ANK2: variants seen among roughly 807,000 people sequenced by gnomAD.
The protein encoded by ANK2 is ankyrin 2.
In ANK2, 83 loss-of-function variants were observed where a neutral mutation model predicts 360.5. The observed-to-expected ratio is 0.23, with a 90% CI of 0.19 to 0.28. The LOEUF (loss-of-function observed/expected upper bound fraction) is 0.28. Ranked by LOEUF, ANK2 falls within the 10% of genes least tolerant of loss-of-function variation. The probability of loss-of-function intolerance (pLI) is 1.00; values close to 1 mark genes in which losing one functional copy is unlikely to be tolerated. For missense variants in ANK2, 4,201 were observed against 4,795.7 expected (o/e 0.88, Z 3.66); for synonymous variants, 1,740 against 1,759.5 (o/e 0.99, Z 0.28).
At chr4:112,828,849 C>A (rs1466049498) in intron 1 of ANK2, among the ~76,000 whole-genome samples, 1 of 152,132 alleles carries the variant, frequency 6.6e-6, no homozygotes, top group Non-Finnish European at 1.5e-5. Context: ...AACAAACAAC[C>A]CTATTTAAAA....
Position 112,830,470 on chromosome 4 carries a change from A to G in ANK2, c.-40+12206A>G, listed in dbSNP as rs1355274649. ...ATGGAGTACAAATACACATGGACAT[A>G]AAGAAGGGAACATTAGACACTGGGG... On this transcript the variant is annotated intron_variant, in intron 1 of 30. Transcript: ENST00000503271. Among the ~76,000 whole-genome samples, 5 of 152,238 alleles carry G rather than the reference A, an allele frequency of 3.3e-5. No homozygotes were observed. The East Asian group carries it at 9.6e-4, about 29-fold the overall frequency.
chr4:113,358,240 G>A lies in ANK2; in HGVS notation c.9622G>A (p.Ala3208Thr). 1 of 1,614,092 alleles carries A rather than the reference G, an allele frequency of 6.2e-7. No individual in the cohort carries two copies. The highest frequency in any genetic ancestry group is 8.5e-7 in the Non-Finnish European group (1 of 1,179,968). The change falls in exon 38 of 46, where the codon GCC (alanine) becomes ACC (threonine). Residue 3208 changes from alanine (A) to threonine (T), a missense_variant. Ala to Thr is a moderately conservative substitution (Grantham distance 58). Transcript: ENST00000357077. ...AQLNSQMGIS[A>T]STETPTKEAV... Reference sequence around the variant, plus strand: ...ACTTAACTCCCAAATGGGGATTTCAGCCTCCACTGAAACACCTACAAAAGA... The same window carrying A: ...ACTTAACTCCCAAATGGGGATTTCAACCTCCACTGAAACACCTACAAAAGA...
upstream of ANK2, among the ~76,000 whole-genome samples, chr4:113,044,840 G>A (rs1251085539): frequency 2.6e-5 from 4 of 152,044 alleles, no homozygotes; most frequent in Non-Finnish European, 5.9e-5. Flanking sequence ...CTTAACTGGG[G>A]CTTGAACATA....
chr4:112,792,829 G>T, the ANK2 span, among the ~76,000 whole-genome samples: 1 of 152,054 alleles, frequency 6.6e-6, no homozygotes, highest in Non-Finnish European at 1.5e-5. Flanking sequence ...GAAAAATTTT[G>T]CCCTATTATA....
chr4:112,724,736 A>G, the ANK2 span, among the ~76,000 whole-genome samples: 1 of 152,210 alleles, frequency 6.6e-6, no homozygotes, highest in African/African-American at 2.4e-5. Flanking sequence ...CACTGTGGAA[A>G]ACATTATGAA....
the ANK2 span, among the ~76,000 whole-genome samples, chr4:112,729,680 G>A: frequency 1.3e-5 from 2 of 151,150 alleles, no homozygotes; most frequent in Non-Finnish European, 2.9e-5. Context: ...CCCGGGAGGC[G>A]GAGGTTGCAG....
the ANK2 span, chr4:112,788,192 T>A: frequency 6.3e-7 from 1 of 1,588,946 alleles, no homozygotes; most frequent in South Asian, 1.1e-5. Context: ...GCAGATCTCA[T>A]CGTATCTGTC....
At chr4:112,752,873 C>T in the ANK2 span, among the ~76,000 whole-genome samples, 1 of 152,100 alleles carries the variant, frequency 6.6e-6, no homozygotes, top group Non-Finnish European at 1.5e-5. Flanking sequence ...ATCATGCTGC[C>T]CAGGCTGGTC....
intron 1 of ANK2, among the ~76,000 whole-genome samples, chr4:112,878,618 G>A (rs2075841220): frequency 6.6e-6 from 1 of 152,240 alleles, no homozygotes; most frequent in East Asian, 1.9e-4. Flanking sequence ...GAGCCACTGT[G>A]CCCAGCCCTG....
chr4:112,743,532 GTCTC>G, the ANK2 span, among the ~76,000 whole-genome samples: 2 of 124,446 alleles, frequency 1.6e-5, no homozygotes, highest in African/African-American at 3.0e-5. Context: ...CTTTCTTTCT[GTCTC>G]TCTCTCTCTT....
chr4:113,146,133 C>T lies in ANK2; in HGVS notation c.85-28283C>T, dbSNP rs974392416. 17 of 1,002,018 alleles carry T rather than the reference C, an allele frequency of 1.7e-5. 1 individual carries two copies. Among genetic ancestry groups the T allele is most frequent in the South Asian group, 1.7e-4 (10 of 59,922 alleles). The allele number at this position is 1,002,018 out of a possible 1,614,324, so 62.1% of individuals were successfully genotyped here. On this transcript the variant is annotated intron_variant, in intron 1 of 45. Transcript: ENST00000357077. ...GAATAAAGCCAATGTGATCAAACCACCTGACTACCTCTGATCAAGTGGCAT... is the reference window on the plus strand; with the variant it reads ...GAATAAAGCCAATGTGATCAAACCATCTGACTACCTCTGATCAAGTGGCAT...
chr4:112,746,468 A>G, the ANK2 span, among the ~76,000 whole-genome samples: 2 of 149,962 alleles, frequency 1.3e-5, no homozygotes, highest in African/African-American at 2.5e-5. Context: ...AGATTGCACT[A>G]CTGCACTCCA....
chr4:113,293,927 T>A (rs561864413), intron 22 of ANK2, among the ~76,000 whole-genome samples: 4 of 152,212 alleles, frequency 2.6e-5, no homozygotes, highest in Non-Finnish European at 5.9e-5. Context: ...GGCCAGCCTC[T>A]GGAAAGACCC....
intron 1 of ANK2, among the ~76,000 whole-genome samples, chr4:112,884,214 G>C (rs1401821408): frequency 6.6e-6 from 1 of 152,114 alleles, no homozygotes; most frequent in African/African-American, 2.4e-5. Context: ...AAACAAACTG[G>C]CCTACATTGA....
intron 1 of ANK2, among the ~76,000 whole-genome samples, chr4:112,860,228 CT>C (rs895855941): frequency 7.9e-5 from 12 of 151,510 alleles, no homozygotes; most frequent in Middle Eastern, 3.4e-3. Flanking sequence ...AAAAAAAATT[CT>C]TTTTTTTTCT....
chr4:112,711,244 G>C, the ANK2 span, among the ~76,000 whole-genome samples: 2 of 151,552 alleles, frequency 1.3e-5, no homozygotes, highest in Non-Finnish European at 2.9e-5. Flanking sequence ...GCTATGGGCA[G>C]TGCAGTGGGG....
intron 2 of ANK2, among the ~76,000 whole-genome samples, chr4:112,987,107 C>G (rs1159782758): frequency 6.6e-6 from 1 of 152,190 alleles, no homozygotes; most frequent in Non-Finnish European, 1.5e-5. Flanking sequence ...TCAAAGCCAT[C>G]CTGGGCTGCA....
At chr4:112,849,914 A>G (rs2149930081) in intron 1 of ANK2, among the ~76,000 whole-genome samples, 1 of 152,304 alleles carries the variant, frequency 6.6e-6, no homozygotes, top group East Asian at 1.9e-4. Context: ...CCTCACCAAT[A>G]TCGGCGGGCA....
At chr4:113,022,772 A>T (rs985736050) in intron 2 of ANK2, among the ~76,000 whole-genome samples, 5 of 152,206 alleles carry the variant, frequency 3.3e-5, no homozygotes, top group African/African-American at 1.2e-4. Flanking sequence ...GAGACTTGAA[A>T]AATTAGCCAA....
Sources: allele counts gnomAD v4.1 joint callset (sites outside exome capture counted in the v4.1 genomes callset), GRCh38; gene constraint gnomAD v4.1.1; transcripts MANE v1.5; gene names NCBI Gene and HGNC (gene_info 2026-07-23, HGNC 2026-07-21).